Variants in RAB11FIP3 observed in about 807,000 individuals in gnomAD.
The protein encoded by RAB11FIP3 is RAB11 family interacting protein 3, also known as rab11 family-interacting protein 3.
RAB11FIP3 carries 17 observed loss-of-function variants against 77.8 expected under a neutral mutation model. The observed-to-expected ratio is 0.22, with a 90% CI of 0.15 to 0.33. The LOEUF is 0.33. Ranked by LOEUF, RAB11FIP3 falls within the 10% of genes least tolerant of loss-of-function variation. RAB11FIP3 has a pLI of 1.00. For missense variants in RAB11FIP3, 1,005 were observed against 1,011.2 expected, an observed-to-expected ratio of 0.99 and a Z score of 0.08; for synonymous variants, 437 against 448.2, an observed-to-expected ratio of 0.98 and a Z score of 0.31.
chr16:516,829 G>A (rs1335445594), intron 9 of RAB11FIP3, among the ~76,000 whole-genome samples: 3 of 152,032 alleles, frequency 2.0e-5, no homozygotes, highest in African/African-American at 7.2e-5. Context: ...CTCCAGCTTG[G>A]GCGACAAGAG....
intron 4 of RAB11FIP3, among the ~76,000 whole-genome samples, chr16:484,397 G>C (rs1018282163): frequency 6.6e-6 from 1 of 152,050 alleles, no homozygotes; most frequent in Non-Finnish European, 1.5e-5. Flanking sequence ...TGTCGCCCAG[G>C]CTGGAGTGCA....
chr16:490,998 T>C lies in RAB11FIP3; in HGVS notation c.1265+1998T>C, dbSNP rs891953620. On this transcript the variant is annotated intron_variant, in intron 5 of 13. Transcript: ENST00000262305. ...GGTCTAAAGGCAAGAGCCAGAACAT[T>C]GCACAGCTCATTCTCTCTCCACGTG... The C allele has an allele frequency of 2.0e-5, 16 of 806,488 alleles. No individual in the cohort carries two copies. The African/African-American group carries it at 2.7e-4, about 14-fold the overall frequency. 50.0% of individuals were successfully genotyped at this position (806,488 alleles called of 1,614,324 possible). A position where few individuals can be genotyped will look rare whatever the true frequency, so the allele number is the denominator to read the frequency against.
intron 1 of RAB11FIP3, among the ~76,000 whole-genome samples, chr16:433,405 A>G (rs992491389): frequency 2.7e-5 from 4 of 150,392 alleles, no homozygotes; most frequent in African/African-American, 7.4e-5. Flanking sequence ...TCTATTCTCT[A>G]CCTCCATTAG....
chr16:465,646 G>C (rs1006523079), intron 2 of RAB11FIP3, among the ~76,000 whole-genome samples: 5 of 152,154 alleles, frequency 3.3e-5, no homozygotes, highest in Non-Finnish European at 7.4e-5. Context: ...GTCTCGCTCT[G>C]TCGGCCAGGC....
chr16:518,745 ATAC>A (rs72354590), intron 9 of RAB11FIP3, among the ~76,000 whole-genome samples, 195 bp from the exon 10 acceptor site: 7,018 of 152,058 alleles, frequency 0.046, 244 homozygotes, highest in African/African-American at 0.1. Context: ...TAAAAAAATA[ATAC>A]TAAAACCTTC....
intron 2 of RAB11FIP3, among the ~76,000 whole-genome samples, chr16:468,586 T>C (rs1195413679): frequency 6.6e-6 from 1 of 152,132 alleles, no homozygotes. Context: ...CTGTCAGCCC[T>C]GTCTGCGTCG....
chr16:429,049 T>C (rs2054995874), intron 1 of RAB11FIP3, among the ~76,000 whole-genome samples: 1 of 152,114 alleles, frequency 6.6e-6, no homozygotes, highest in South Asian at 2.1e-4. Context: ...GTGATCTGAG[T>C]GCCTGGACTT....
intron 5 of RAB11FIP3, among the ~76,000 whole-genome samples, chr16:492,228 A>C (rs1436793233): frequency 6.6e-6 from 1 of 152,166 alleles, no homozygotes; most frequent in East Asian, 1.9e-4. Flanking sequence ...AAATGCTGTG[A>C]AGCACAGGGC....
intron 6 of RAB11FIP3, 136 bp downstream of exon 6, chr16:496,995 C>G (rs756865356): frequency 1.0e-6 from 1 of 957,914 alleles, no homozygotes. Flanking sequence ...TGGTTTGGGG[C>G]TGAAGGTATC....
intron 1 of RAB11FIP3, among the ~76,000 whole-genome samples, chr16:451,207 A>G (rs2141613909): frequency 6.6e-6 from 1 of 152,108 alleles, no homozygotes; most frequent in African/African-American, 2.4e-5. Flanking sequence ...ATTTCAATGA[A>G]GCTGTTAACA....
Position 426,340 on chromosome 16 carries a change from T to A in RAB11FIP3, c.334T>A (p.Ser112Thr). ...SPDAPGPGPR[S>T]EAPLPELDPL... The stretch of plus-strand genomic sequence containing the variant: ...CGACGCCCCGGGCCCAGGGCCGCGC[T>A]CCGAAGCGCCGCTTCCAGAACTCGA... The change falls in exon 1 of 14, where the codon TCC becomes ACC. Residue 112 changes from serine to threonine, a missense_variant. Ser to Thr is a moderately conservative substitution (Grantham distance 58). This residue lies in a region of RAB11FIP3 where 466 missense variants were observed against 408.3 expected (regional missense o/e 1.14). Transcript: ENST00000262305. This position sits in a 1 kb window ranked among gnomAD's most constrained non-coding sequence, Gnocchi z 5.0. 1 of 1,498,424 alleles carries A rather than the reference T, an allele frequency of 6.7e-7. No homozygotes were observed. 92.8% of individuals were successfully genotyped at this position (1,498,424 alleles called of 1,614,324 possible).
At chr16:450,986 T>C (rs2055399005) in intron 1 of RAB11FIP3, among the ~76,000 whole-genome samples, 3 of 150,638 alleles carry the variant, frequency 2.0e-5, no homozygotes, top group Admixed American at 2.0e-4. Flanking sequence ...TCGTTGAATG[T>C]GTGGACTCTT....
In RAB11FIP3 at chr16:426,394, G is replaced by A; in HGVS notation, c.388G>A (p.Glu130Lys). ...DPLFSWTEEP[E>K]ECGPASCPES... Reference sequence around the variant, plus strand: ...GTTGTTCTCCTGGACTGAGGAGCCCGAGGAGTGTGGCCCCGCGAGCTGCCC... The same window carrying A: ...GTTGTTCTCCTGGACTGAGGAGCCCAAGGAGTGTGGCCCCGCGAGCTGCCC... Residue 130 changes from glutamate (E) to lysine (K), a missense_variant, in exon 1 of 14, where the codon GAG (glutamate) becomes AAG (lysine). Around this residue, in one of 4 missense-constraint regions of RAB11FIP3, gnomAD observed 466 missense variants for 408.3 expected, o/e 1.14. Transcript: ENST00000262305. This position sits in a 1 kb window ranked among gnomAD's most constrained non-coding sequence, Gnocchi z 5.0. 1 of 1,580,934 alleles carries A rather than the reference G, an allele frequency of 6.3e-7. No homozygotes were observed. Among genetic ancestry groups the A allele is most frequent in the Non-Finnish European group, 8.6e-7 (1 of 1,165,630 alleles).
At chr16:485,228 A>C (rs576647380) in intron 4 of RAB11FIP3, among the ~76,000 whole-genome samples, 3 of 152,160 alleles carry the variant, frequency 2.0e-5, no homozygotes, top group Non-Finnish European at 4.4e-5. Flanking sequence ...CCAGTGAAAC[A>C]ATTTTCAGAA....
chr16:512,992 A>G (rs762401787), intron 9 of RAB11FIP3, among the ~76,000 whole-genome samples: 7 of 151,968 alleles, frequency 4.6e-5, no homozygotes, highest in Non-Finnish European at 1.0e-4. Context: ...AGGCACAAGC[A>G]TTAAAGCAGC....
intron 2 of RAB11FIP3, among the ~76,000 whole-genome samples, chr16:470,717 A>G (rs1567375593): frequency 6.6e-6 from 1 of 152,196 alleles, no homozygotes. Context: ...TAGCTGACGT[A>G]AGAATTATAG....
At chr16:483,986 A>G (rs2056099941) in intron 4 of RAB11FIP3, among the ~76,000 whole-genome samples, 1 of 152,148 alleles carries the variant, frequency 6.6e-6, no homozygotes, top group Non-Finnish European at 1.5e-5. Context: ...CCCAAGATGC[A>G]TAAACCCGGC....
chr16:509,529 G>A (rs534491693), intron 8 of RAB11FIP3, among the ~76,000 whole-genome samples: 122 of 152,406 alleles, frequency 8.0e-4, no homozygotes, highest in African/African-American at 2.8e-3. Context: ...TGCTGTGTCA[G>A]TGGGCAGGGC....
At position 507,732 on chromosome 16, in the gene RAB11FIP3, A is replaced by G. The variant is rs1425572525; in HGVS notation, c.1499+2105A>G. On this transcript the variant is annotated intron_variant, in intron 8 of 13. Coordinates refer to ENST00000262305, the MANE Select transcript of RAB11FIP3 (RefSeq NM_014700.4). The surrounding 1 kb of genome is among the most constrained non-coding windows in gnomAD (Gnocchi z 4.6). ...CTGTGGTGCTCACCTCCAACGTCCT[A>G]AACAACACGTTTCCCGTTTTCAGTA... 1.3e-5 allele frequency among the ~76,000 whole-genome samples: 2 copies of G among 152,306 alleles called. No individual in the cohort carries two copies. Among genetic ancestry groups the G allele is most frequent in the East Asian group, 3.9e-4 (2 of 5,180 alleles).
Sources: gnomAD v4.1 joint callset for allele counts (sites outside exome capture counted in the v4.1 genomes callset) on GRCh38, gnomAD v4.1.1 for gene constraint, gnomAD v4.1.1 regional missense constraint, Gnocchi (gnomAD v3.1) non-coding constraint, MANE v1.5 for transcripts, NCBI Gene and HGNC (gene_info 2026-07-23, HGNC 2026-07-21) for gene names.